Variants in IRAG1 observed in about 807,000 individuals in gnomAD.
IRAG1 encodes inositol 1,4,5-triphosphate receptor associated 1, also known as IP3R-associated cGMP kinase substrate.
IRAG1 carries 62 observed loss-of-function variants against 106.2 expected under a neutral mutation model. The ratio of observed to expected loss-of-function variants is 0.58; its 90% confidence interval spans 0.48 to 0.72. The LOEUF (loss-of-function observed/expected upper bound fraction) is 0.72. Among genes scored for constraint, IRAG1 ranks in the 30% least tolerant of loss-of-function variants. The pLI, the probability that IRAG1 is intolerant of heterozygous loss-of-function variation, is 0.00. For synonymous variants in IRAG1, 462 were observed against 443.9 expected (o/e 1.04, Z -0.51); for missense variants, 1,064 against 1,140.7 (o/e 0.93, Z 0.97).
intron 17 of IRAG1, among the ~76,000 whole-genome samples, 152 bp from the exon 18 acceptor site, chr11:10,591,764 T>G (rs1043057926): frequency 6.6e-6 from 1 of 152,216 alleles, no homozygotes; most frequent in Non-Finnish European, 1.5e-5. Context: ...AGCCCAGGAC[T>G]TGGCCCTTTC....
At chr11:10,608,584 A>G (rs567344168) in intron 11 of IRAG1, among the ~76,000 whole-genome samples, 2 of 152,336 alleles carry the variant, frequency 1.3e-5, no homozygotes. Context: ...CCGGGGGCAG[A>G]GCTGTGAGCC....
intron 1 of IRAG1, chr11:10,652,482 A>C: frequency 3.5e-6 from 2 of 577,076 alleles, no homozygotes; most frequent in Non-Finnish European, 2.7e-6. Context: ...AATGGAAGAT[A>C]CTCCATTGAG....
intron 20 of IRAG1, among the ~76,000 whole-genome samples, chr11:10,578,908 T>C (rs1389065589): frequency 3.3e-5 from 5 of 152,254 alleles, no homozygotes. Flanking sequence ...AGTTCCAGTC[T>C]GTCTCTGCTG....
Position 10,581,874 on chromosome 11 carries a change from T to C in IRAG1, c.2353A>G (p.Ser785Gly). 6.2e-7 allele frequency: 1 copy of C among 1,613,796 alleles called. No individual in the cohort carries two copies. Among genetic ancestry groups the C allele is most frequent in the Non-Finnish European group, 8.5e-7 (1 of 1,179,712 alleles). Reference sequence around the variant, plus strand: ...GGCTGAGGTCTGACTCACCCCTTGCTGTAGGCTTCTTCCTCCATCCTGGCC... The same window carrying C: ...GGCTGAGGTCTGACTCACCCCTTGCCGTAGGCTTCTTCCTCCATCCTGGCC... ...TKARMEEEAYSKGFQEGLKKT... is the reference protein window; with the variant it reads ...TKARMEEEAYGKGFQEGLKKT... Residue 785 changes from serine to glycine, a missense_variant, in exon 19 of 21, where the codon AGC (serine) becomes GGC (glycine). Physicochemically the swap from Ser to Gly is moderately conservative, Grantham distance 56. Transcript: ENST00000423302.
Position 10,626,047 on chromosome 11 carries a change from C to T in IRAG1, c.1287G>A (p.Lys429=). The T allele has an allele frequency of 6.6e-7, 1 of 1,516,312 alleles. No homozygotes were observed. Among genetic ancestry groups the T allele is most frequent in the Non-Finnish European group, 8.8e-7 (1 of 1,132,250 alleles). 93.9% of individuals were successfully genotyped at this position (1,516,312 alleles called of 1,614,324 possible). Residue 429 remains lysine, a synonymous_variant, in exon 9 of 21, where the codon AAG becomes AAA. Coordinates refer to ENST00000423302, the MANE Select transcript of IRAG1 (RefSeq NM_130385.4). ...EKRFAGKAGG[K]LAKAPGLKDF... is the part of the protein sequence containing the mutation. The stretch of plus-strand genomic sequence containing the variant: ...CTTTGAGACCAGGGGCCTTGGCCAG[C>T]TTGCCGCCGGCCTTGCCTGCAAAAC...
At chr11:10,610,614 G>C (rs1484267963) in intron 10 of IRAG1, among the ~76,000 whole-genome samples, 1 of 152,140 alleles carries the variant, frequency 6.6e-6, no homozygotes, top group African/African-American at 2.4e-5. Context: ...TGTGGCCCAT[G>C]GTCTCTAGAT....
chr11:10,609,616 T>G (rs1854772600), intron 11 of IRAG1, 112 bp downstream of exon 11: 1 of 1,254,728 alleles, frequency 8.0e-7, no homozygotes, highest in Admixed American at 2.7e-5. Flanking sequence ...CAATTGGACT[T>G]TGGCCCTTCT....
chr11:10,575,776 A>C lies in IRAG1; in HGVS notation c.*556T>G, dbSNP rs1026636496. 6.7e-5 allele frequency: 10 copies of C among 150,082 alleles called. No individual in the cohort carries two copies. In the East Asian group the frequency reaches 1.7e-3, roughly 26 times the overall value. The allele number at this position is 150,082 out of a possible 1,614,324, so 9.3% of individuals were successfully genotyped here. On this transcript the variant is annotated 3_prime_UTR_variant, in exon 21 of 21. Transcript: ENST00000423302. ...TTTTTTTTTCTGAGAAGCCTTTCCT[A>C]CTTCTGTAAAAAGAAACTCTCATTC...
intron 20 of IRAG1, among the ~76,000 whole-genome samples, chr11:10,577,329 TTCC>T (rs1340046385): frequency 6.6e-6 from 1 of 152,192 alleles, no homozygotes; most frequent in Non-Finnish European, 1.5e-5. Flanking sequence ...CATCTCTCTC[TTCC>T]TCTCCATTTT....
intron 1 of IRAG1, chr11:10,652,443 T>C: frequency 2.3e-6 from 2 of 887,072 alleles, no homozygotes; most frequent in Non-Finnish European, 3.2e-6. Context: ...AAGGGAGAAA[T>C]GTGCTTCGAA....
At position 10,645,218 on chromosome 11, in the gene IRAG1, T is replaced by A. The variant is rs538386303; in HGVS notation, c.225+6807A>T. The stretch of plus-strand genomic sequence containing the variant: ...ATTTATTGAGTGCCTACCATGTGTA[T>A]GTGAATAATCATCCCTTGCCTCTGT... On this transcript the variant is annotated intron_variant, in intron 2 of 20. Coordinates refer to ENST00000423302, the MANE Select transcript of IRAG1 (RefSeq NM_130385.4). 1.6e-4 allele frequency among the ~76,000 whole-genome samples: 24 copies of A among 152,312 alleles called. No individual in the cohort carries two copies. The South Asian group carries it at 5.0e-3, about 32-fold the overall frequency.
At chr11:10,597,093 AC>A (rs1853400999) in intron 15 of IRAG1, among the ~76,000 whole-genome samples, 1 of 152,170 alleles carries the variant, frequency 6.6e-6, no homozygotes, top group Admixed American at 6.6e-5. Context: ...TATTTCATTC[AC>A]CAAAGCAAAT....
intron 1 of IRAG1, among the ~76,000 whole-genome samples, chr11:10,680,548 G>T (rs368972836): frequency 1.4e-5 from 2 of 142,860 alleles, no homozygotes; most frequent in South Asian, 4.6e-4. Context: ...AGGGGAAGGG[G>T]AAGGGGAAGG....
chr11:10,675,120 G>A (rs2135140174), intron 1 of IRAG1, among the ~76,000 whole-genome samples: 1 of 152,356 alleles, frequency 6.6e-6, no homozygotes, highest in Non-Finnish European at 1.5e-5. Flanking sequence ...GATCTCCCTG[G>A]CTGTGCACCA....
In IRAG1 at chr11:10,606,322, T is replaced by A. The variant is rs985906629; in HGVS notation, c.1602+420A>T. 3.3e-5 allele frequency among the ~76,000 whole-genome samples: 5 copies of A among 152,316 alleles called. No homozygotes were observed. The East Asian group carries it at 9.6e-4, about 29-fold the overall frequency. ...CTTCCCGGCTCCGCTGAGCTGGCAT[T>A]CTTGTAGCTGAAACCCTGAGGAGGC... On this transcript the variant is annotated intron_variant, in intron 12 of 20. Transcript: ENST00000423302.
At chr11:10,651,606 T>G (rs938610841) in intron 2 of IRAG1, among the ~76,000 whole-genome samples, 24 of 152,234 alleles carry the variant, frequency 1.6e-4, no homozygotes, top group Non-Finnish European at 2.4e-4. Flanking sequence ...ACTGAAAACC[T>G]TTTTTGCTAT....
intron 1 of IRAG1, among the ~76,000 whole-genome samples, chr11:10,660,701 T>A (rs10770131): frequency 6.6e-6 from 1 of 152,004 alleles, no homozygotes; most frequent in South Asian, 2.1e-4. Context: ...CCAAGTGGAC[T>A]ATGAATCCCT....
At chr11:10,581,846 G>A (rs376671072) in intron 19 of IRAG1, 21 bp downstream of exon 19, 54 of 1,610,304 alleles carry the variant, frequency 3.4e-5, no homozygotes, top group Non-Finnish European at 4.1e-5. Context: ...GTGCCCTTGG[G>A]GTGGCTGAGG....
intron 3 of IRAG1, 125 bp from the exon 4 acceptor site, chr11:10,632,186 C>A: frequency 9.2e-6 from 6 of 652,182 alleles, no homozygotes; most frequent in East Asian, 8.9e-5. Context: ...TTCCTTCTTT[C>A]TTTCTTTTTT....
Sources: gnomAD v4.1 joint callset for allele counts (sites outside exome capture counted in the v4.1 genomes callset) on GRCh38, gnomAD v4.1.1 for gene constraint, MANE v1.5 for transcripts, NCBI Gene and HGNC (gene_info 2026-07-23, HGNC 2026-07-21) for gene names.